SNX29: variants seen among roughly 807,000 people sequenced by gnomAD.
SNX29 encodes the protein sorting nexin 29.
Under a neutral mutation model 102.1 loss-of-function variants are expected in SNX29, and 78 were observed. The ratio of observed to expected loss-of-function variants is 0.76; its 90% CI spans 0.64 to 0.92. SNX29 has a LOEUF of 0.92. SNX29 is among the 40% of genes least tolerant of loss of function. The pLI is 0.00. For missense variants in SNX29, 1,280 were observed against 1,061.7 expected, an observed-to-expected ratio of 1.21 and a Z score of -2.86; for synonymous variants, 580 against 414.5, an observed-to-expected ratio of 1.40 and a Z score of -4.85.
intron 18 of SNX29, among the ~76,000 whole-genome samples, chr16:12,412,527 C>T (rs902448303): frequency 2.6e-5 from 4 of 152,148 alleles, no homozygotes; most frequent in Admixed American, 6.5e-5. Context: ...GCTGCAAAGA[C>T]GAGAGTGTGG....
intron 3 of SNX29, among the ~76,000 whole-genome samples, chr16:12,016,512 C>G (rs760141594): frequency 3.3e-5 from 5 of 152,152 alleles, no homozygotes; most frequent in Non-Finnish European, 7.4e-5. Flanking sequence ...TCTAGAGCGG[C>G]TGTACCATTT....
chr16:12,461,623 C>T (rs1567587131), intron 18 of SNX29, among the ~76,000 whole-genome samples: 1 of 152,094 alleles, frequency 6.6e-6, no homozygotes, highest in Non-Finnish European at 1.5e-5. Context: ...AGCATCGCGT[C>T]TTCCAAGAGG....
intron 20 of SNX29, among the ~76,000 whole-genome samples, chr16:12,542,025 T>C (rs11645899): frequency 3.3e-5 from 5 of 152,022 alleles, no homozygotes; most frequent in African/African-American, 1.2e-4. Flanking sequence ...CCGCTCTGTT[T>C]TTTCTTTTTT....
At chr16:12,011,499 T>A (rs369306540) in intron 3 of SNX29, among the ~76,000 whole-genome samples, 1 of 152,082 alleles carries the variant, frequency 6.6e-6, no homozygotes, top group East Asian at 1.9e-4. Context: ...GTTCTCAAAC[T>A]CCTAACCTCA....
At chr16:12,253,779 A>AGG (rs2142406493) in intron 14 of SNX29, among the ~76,000 whole-genome samples, 1 of 152,130 alleles carries the variant, frequency 6.6e-6, no homozygotes, top group African/African-American at 2.4e-5. Flanking sequence ...TGAGCAAAGG[A>AGG]GGGGTGGCCT....
At chr16:12,450,868 G>A (rs889467230) in intron 18 of SNX29, among the ~76,000 whole-genome samples, 1 of 152,136 alleles carries the variant, frequency 6.6e-6, no homozygotes, top group Non-Finnish European at 1.5e-5. Flanking sequence ...CCAAGGGCAG[G>A]AGTGGAGAAA....
At chr16:12,116,271 A>C (rs1027689397) in intron 11 of SNX29, among the ~76,000 whole-genome samples, 2 of 152,246 alleles carry the variant, frequency 1.3e-5, no homozygotes, top group African/African-American at 4.8e-5. Flanking sequence ...TGGCAACATG[A>C]TCACAATCTC....
intron 11 of SNX29, among the ~76,000 whole-genome samples, chr16:12,085,284 G>C (rs573938599): frequency 6.6e-6 from 1 of 152,172 alleles, no homozygotes; most frequent in Non-Finnish European, 1.5e-5. Flanking sequence ...TCCGAGGAGA[G>C]TGGCATTTGA....
At chr16:12,550,520 G>T (rs1213782062) in intron 20 of SNX29, among the ~76,000 whole-genome samples, 1 of 134,282 alleles carries the variant, frequency 7.4e-6, no homozygotes, top group Non-Finnish European at 1.5e-5. Context: ...GGGAGACACA[G>T]TCTCAATCTA....
intron 20 of SNX29, among the ~76,000 whole-genome samples, chr16:12,543,631 G>C (rs537380078): frequency 6.6e-6 from 1 of 152,004 alleles, no homozygotes; most frequent in African/African-American, 2.4e-5. Context: ...CCAGTGCTCC[G>C]CAGCTGGTGC....
intron 15 of SNX29, among the ~76,000 whole-genome samples, chr16:12,283,454 G>C (rs1397155696): frequency 6.6e-6 from 1 of 152,020 alleles, no homozygotes; most frequent in Non-Finnish European, 1.5e-5. Flanking sequence ...TGAGTAGCTG[G>C]GACTACAGGC....
intron 16 of SNX29, 25 bp downstream of exon 16, chr16:12,356,304 G>A: frequency 1.9e-6 from 3 of 1,564,300 alleles, no homozygotes; most frequent in Middle Eastern, 1.9e-4. Context: ...AACCCTGTGT[G>A]TCTGTCAAGC....
chr16:12,537,578 T>C (rs1213466037), intron 20 of SNX29, among the ~76,000 whole-genome samples: 1 of 152,218 alleles, frequency 6.6e-6, no homozygotes, highest in East Asian at 1.9e-4. Flanking sequence ...TTGACTTTGT[T>C]TTTACTTCTT....
intron 14 of SNX29, among the ~76,000 whole-genome samples, chr16:12,229,339 C>T (rs2077704623): frequency 6.6e-6 from 1 of 152,218 alleles, no homozygotes; most frequent in Non-Finnish European, 1.5e-5. Flanking sequence ...TGGAAATGGT[C>T]AGGCCAGTCC....
Position 12,560,589 on chromosome 16 carries a change from C to G in SNX29, c.2319-7917C>G, listed in dbSNP as rs757178619. ...ATTCCTTGGGGTCTGTCCATCTGTA[C>G]CTCTCATAAAGCAGCAAGCAACAGC... On this transcript the variant is annotated intron_variant, in intron 20 of 20. Coordinates refer to ENST00000566228, the MANE Select transcript of SNX29 (RefSeq NM_032167.5). Among the ~76,000 whole-genome samples, 11 of 152,288 alleles carry G rather than the reference C, an allele frequency of 7.2e-5. No homozygotes were observed. The East Asian group carries it at 7.7e-4, about 11-fold the overall frequency.
chr16:12,396,337 G>T (rs150770687), intron 16 of SNX29, among the ~76,000 whole-genome samples: 108 of 152,304 alleles, frequency 7.1e-4, no homozygotes, highest in African/African-American at 2.5e-3. Context: ...GGTAGATACA[G>T]CCAGATGTTC....
chr16:12,543,732 G>A (rs557522526), intron 20 of SNX29, among the ~76,000 whole-genome samples: 3 of 152,356 alleles, frequency 2.0e-5, no homozygotes, highest in South Asian at 2.1e-4. Flanking sequence ...TTTTGGCATT[G>A]CAGTGGAGTT....
intron 4 of SNX29, among the ~76,000 whole-genome samples, chr16:12,033,797 G>C (rs1359884379): frequency 6.6e-6 from 1 of 151,946 alleles, no homozygotes; most frequent in African/African-American, 2.4e-5. Context: ...AGTAGAGACG[G>C]GGTTTCATCA....
At chr16:12,045,226 T>C (rs193094703) in intron 5 of SNX29, among the ~76,000 whole-genome samples, 63 of 152,328 alleles carry the variant, frequency 4.1e-4, no homozygotes, top group Admixed American at 7.2e-4. Flanking sequence ...TTCTTTCTGT[T>C]AGTTGTATTC....
Sources: gnomAD v4.1 joint callset for allele counts (sites outside exome capture counted in the v4.1 genomes callset) on GRCh38, gnomAD v4.1.1 for gene constraint, MANE v1.5 for transcripts, NCBI Gene and HGNC (gene_info 2026-07-23, HGNC 2026-07-21) for gene names.